The following SLC8A1 variants were observed in gnomAD, a reference collection of about 807,000 sequenced individuals.
SLC8A1 encodes solute carrier family 8 member A1.
Under a neutral mutation model 68.3 loss-of-function variants are expected in SLC8A1, and 18 were observed. The observed-to-expected ratio is 0.26, with a 90% CI of 0.18 to 0.39. The LOEUF is 0.39. SLC8A1 is among the 10% of genes least tolerant of loss of function. The pLI is 1.00. For synonymous variants in SLC8A1, 475 were observed against 415.5 expected, an observed-to-expected ratio of 1.14 and a Z score of -1.74; for missense variants, 985 against 1,156.7, an observed-to-expected ratio of 0.85 and a Z score of 2.15.
intron 6 of SLC8A1, among the ~76,000 whole-genome samples, chr2:40,142,070 A>C (rs2041672237): frequency 6.6e-6 from 1 of 152,208 alleles, no homozygotes; most frequent in Admixed American, 6.5e-5. Flanking sequence ...AGCAAACTAC[A>C]GCAGCCCTTC....
At chr2:40,419,133 C>A (rs887302628) in intron 2 of SLC8A1, among the ~76,000 whole-genome samples, 6 of 152,226 alleles carry the variant, frequency 3.9e-5, no homozygotes, top group Non-Finnish European at 5.9e-5. Flanking sequence ...AGTGTTGTCA[C>A]AGCATCTTGC....
chr2:40,439,399 C>T (rs1256200579), intron 1 of SLC8A1, among the ~76,000 whole-genome samples: 5 of 152,154 alleles, frequency 3.3e-5, no homozygotes, highest in Admixed American at 3.3e-4. Flanking sequence ...GTAAGGAAAG[C>T]TGTGCTCTTC....
intron 2 of SLC8A1, among the ~76,000 whole-genome samples, chr2:40,241,348 G>A (rs1383721152): frequency 6.6e-6 from 1 of 151,964 alleles, no homozygotes; most frequent in Non-Finnish European, 1.5e-5. Flanking sequence ...TGGACTACCT[G>A]GAATAGGGGG....
chr2:40,429,087 A>G, exon 2 of SLC8A1: 2 of 1,613,042 alleles, frequency 1.2e-6, no homozygotes, highest in Non-Finnish European at 1.7e-6. Context: ...CAGTCACTTC[A>G]GTGTTGACCT....
chr2:40,204,057 G>C (rs914739266), intron 2 of SLC8A1, among the ~76,000 whole-genome samples: 1 of 151,888 alleles, frequency 6.6e-6, no homozygotes, highest in Non-Finnish European at 1.5e-5. Context: ...ATTTAAGTGA[G>C]GAAGAAAAAC....
exon 8 of SLC8A1, chr2:40,100,675 A>C (rs1254859572): frequency 6.6e-6 from 1 of 152,150 alleles, no homozygotes; most frequent in Non-Finnish European, 1.5e-5. Flanking sequence ...TTTGGTAATC[A>C]GGTGTGAGTG....
chr2:40,455,277 T>C (rs1307286560), upstream of SLC8A1, among the ~76,000 whole-genome samples: 4 of 152,230 alleles, frequency 2.6e-5, no homozygotes, highest in Non-Finnish European at 5.9e-5. Context: ...TACCAAGATT[T>C]TTAAAAATAT....
chr2:40,312,594 T>C (rs2073876137), intron 2 of SLC8A1, among the ~76,000 whole-genome samples: 1 of 152,166 alleles, frequency 6.6e-6, no homozygotes, highest in African/African-American at 2.4e-5. Context: ...CAAATTTTTC[T>C]ATATATCCTG....
At chr2:40,352,617 G>C (rs1671441271) in intron 2 of SLC8A1, among the ~76,000 whole-genome samples, 1 of 152,180 alleles carries the variant, frequency 6.6e-6, no homozygotes, top group Non-Finnish European at 1.5e-5. Context: ...TATAGGCAAA[G>C]AGTGGCTTAA....
At chr2:40,263,682 C>T (rs1326614662) in intron 2 of SLC8A1, among the ~76,000 whole-genome samples, 1 of 152,076 alleles carries the variant, frequency 6.6e-6, no homozygotes, top group Non-Finnish European at 1.5e-5. Flanking sequence ...AAACTGGATC[C>T]CTTCCTGACA....
In SLC8A1 at chr2:40,160,728, C is replaced by A. The variant is rs572277830; in HGVS notation, c.2161+37G>T. 7 of 1,582,516 alleles carry A rather than the reference C, an allele frequency of 4.4e-6. No homozygotes were observed. The African/African-American group carries it at 8.1e-5, about 18-fold the overall frequency. On this transcript the variant is annotated intron_variant, in intron 6 of 7. Transcript: ENST00000406785. Reference sequence around the variant, plus strand: ...GTAGGAAAACTCAGCTCAGATTGGGCAATTTTAATTTATAATATGCAGAGA... The same window carrying A: ...GTAGGAAAACTCAGCTCAGATTGGGAAATTTTAATTTATAATATGCAGAGA...
intron 2 of SLC8A1, among the ~76,000 whole-genome samples, chr2:40,397,040 AT>A: frequency 6.6e-6 from 1 of 152,270 alleles, no homozygotes; most frequent in South Asian, 2.1e-4. Flanking sequence ...TGATGAGAAT[AT>A]TTCAGTGCTC....
intron 2 of SLC8A1, among the ~76,000 whole-genome samples, chr2:40,232,231 C>T (rs2148901958): frequency 6.6e-6 from 1 of 152,180 alleles, no homozygotes; most frequent in African/African-American, 2.4e-5. Flanking sequence ...TTCTTTCAAA[C>T]TCTTAACTCT....
chr2:40,383,678 T>C (rs1464282342), intron 2 of SLC8A1, among the ~76,000 whole-genome samples: 2 of 152,098 alleles, frequency 1.3e-5, no homozygotes, highest in African/African-American at 2.4e-5. Context: ...CATAAACAAG[T>C]ATTAAATATT....
At chr2:40,164,264 C>T (rs2046175568) in intron 5 of SLC8A1, among the ~76,000 whole-genome samples, 1 of 152,198 alleles carries the variant, frequency 6.6e-6, no homozygotes, top group Non-Finnish European at 1.5e-5. Flanking sequence ...TGACTTTTAT[C>T]ATCTAGAGAA....
At chr2:40,380,529 T>G (rs1681401575) in intron 2 of SLC8A1, among the ~76,000 whole-genome samples, 1 of 152,146 alleles carries the variant, frequency 6.6e-6, no homozygotes. Context: ...CAAAATCATT[T>G]TTGATTTGTT....
intron 2 of SLC8A1, among the ~76,000 whole-genome samples, chr2:40,263,192 C>T (rs2064930236): frequency 6.6e-6 from 1 of 152,214 alleles, no homozygotes; most frequent in Non-Finnish European, 1.5e-5. Flanking sequence ...GAGGAAGTCA[C>T]TTAACCTTTC....
intron 2 of SLC8A1, among the ~76,000 whole-genome samples, chr2:40,360,976 T>G (rs1471014620): frequency 1.3e-5 from 2 of 151,336 alleles, no homozygotes; most frequent in Non-Finnish European, 3.0e-5. Flanking sequence ...GTAGATCTCG[T>G]GTGGATCTCA....
intron 2 of SLC8A1, among the ~76,000 whole-genome samples, chr2:40,286,144 A>T (rs2068270845): frequency 6.6e-6 from 1 of 152,140 alleles, no homozygotes; most frequent in Non-Finnish European, 1.5e-5. Context: ...TGTCCAGTCA[A>T]TGAATATAAT....
Sources: allele counts gnomAD v4.1 joint callset (sites outside exome capture counted in the v4.1 genomes callset), GRCh38; gene constraint gnomAD v4.1.1; transcripts MANE v1.5; gene names NCBI Gene and HGNC (gene_info 2026-07-23, HGNC 2026-07-21).